Variants in ZBTB44 observed in about 807,000 individuals in gnomAD.
ZBTB44 encodes zinc finger and BTB domain-containing protein 44.
A neutral mutation model predicts 54.0 loss-of-function variants in ZBTB44; 15 were observed. That is an observed-to-expected ratio of 0.28 (90% CI 0.19 to 0.43). ZBTB44 has a LOEUF of 0.43. Ranked by LOEUF, ZBTB44 falls within the 20% of genes least tolerant of loss-of-function variation. The pLI, the probability that ZBTB44 is intolerant of heterozygous loss-of-function variation, is 1.00. For synonymous variants in ZBTB44, 230 were observed against 250.1 expected (o/e 0.92, Z 0.76); for missense variants, 487 against 707.1 (o/e 0.69, Z 3.53).
chr11:130,249,050 G>A (rs1424455892), intron 2 of ZBTB44, among the ~76,000 whole-genome samples: 1 of 152,204 alleles, frequency 6.6e-6, no homozygotes, highest in African/African-American at 2.4e-5. Flanking sequence ...GTTGTAGTAA[G>A]CTGAGATCAT....
intron 2 of ZBTB44, among the ~76,000 whole-genome samples, chr11:130,240,140 T>C (rs372594350): frequency 1.3e-5 from 2 of 151,904 alleles, no homozygotes; most frequent in African/African-American, 4.8e-5. Flanking sequence ...CTCCTGGGTT[T>C]ACGCCATTCT....
chr11:130,300,083 G>C (rs1419487930), intron 1 of ZBTB44, among the ~76,000 whole-genome samples: 1 of 152,148 alleles, frequency 6.6e-6, no homozygotes, highest in Admixed American at 6.5e-5. Context: ...ATATGATTCC[G>C]ATTACACGAT....
At chr11:130,310,025 G>C (rs997385558) in intron 1 of ZBTB44, among the ~76,000 whole-genome samples, 1 of 152,024 alleles carries the variant, frequency 6.6e-6, no homozygotes, top group African/African-American at 2.4e-5. Flanking sequence ...TTAAAAATAT[G>C]GTATCTAGGC....
chr11:130,254,374 A>G (rs1209432892), intron 2 of ZBTB44, among the ~76,000 whole-genome samples: 1 of 152,240 alleles, frequency 6.6e-6, no homozygotes, highest in Non-Finnish European at 1.5e-5. Context: ...ATTTACAAGA[A>G]AAAAACAAAC....
At chr11:130,231,743 A>G (rs1190899617) in intron 7 of ZBTB44, 28 bp from the exon 8 acceptor site, 1 of 152,202 alleles carries the variant, frequency 6.6e-6, no homozygotes, top group Non-Finnish European at 1.5e-5. Context: ...TCCTGGTCAT[A>G]ATTTTACCTA....
chr11:130,309,339 A>C (rs1942454592), intron 1 of ZBTB44, among the ~76,000 whole-genome samples: 1 of 152,264 alleles, frequency 6.6e-6, no homozygotes, highest in Non-Finnish European at 1.5e-5. Context: ...TGAACACAGG[A>C]AAACACACTA....
intron 1 of ZBTB44, among the ~76,000 whole-genome samples, chr11:130,312,842 T>G (rs1942698008): frequency 6.6e-6 from 1 of 152,176 alleles, no homozygotes; most frequent in African/African-American, 2.4e-5. Flanking sequence ...ATAATGATAC[T>G]GGGGTTAGTA....
chr11:130,255,613 G>A (rs180887878), intron 2 of ZBTB44, among the ~76,000 whole-genome samples: 4 of 152,172 alleles, frequency 2.6e-5, no homozygotes, highest in Admixed American at 1.3e-4. Context: ...AATCCAGGAG[G>A]TGGTGTTTTG....
intron 1 of ZBTB44, among the ~76,000 whole-genome samples, chr11:130,271,486 C>T (rs779830468): frequency 6.6e-6 from 1 of 152,122 alleles, no homozygotes; most frequent in Non-Finnish European, 1.5e-5. Context: ...AGGAGGTTCC[C>T]AACAGACAAA....
Position 130,287,432 on chromosome 11 carries a change from T to G in ZBTB44, c.-56-25503A>C, listed in dbSNP as rs569897394. Reference sequence around the variant, plus strand: ...TTAGCTCTCTAGTCTTCATTAGTTTTTTCTCTGTGCTTAGTTTTGAGGTAT... The same window carrying G: ...TTAGCTCTCTAGTCTTCATTAGTTTGTTCTCTGTGCTTAGTTTTGAGGTAT... On this transcript the variant is annotated intron_variant, in intron 1 of 7. Coordinates refer to ENST00000357899, the MANE Select transcript of ZBTB44 (RefSeq NM_001301098.2). Among the ~76,000 whole-genome samples, 61 of 152,356 alleles carry G rather than the reference T, an allele frequency of 4.0e-4. 1 individual carries two copies. The South Asian group carries it at 0.012, about 30-fold the overall frequency.
intron 2 of ZBTB44, 117 bp from the exon 3 acceptor site, chr11:130,240,013 G>T: frequency 1.9e-5 from 11 of 578,674 alleles, no homozygotes; most frequent in South Asian, 8.4e-5. Flanking sequence ...TTCATATCCT[G>T]AATTATTAAT....
intron 1 of ZBTB44, among the ~76,000 whole-genome samples, chr11:130,279,305 A>AT (rs1235365935): frequency 2.1e-5 from 3 of 140,124 alleles, no homozygotes; most frequent in Admixed American, 1.4e-4. Flanking sequence ...TTCTACTGTT[A>AT]TTTAAAAAAA....
chr11:130,311,082 C>T (rs1354353577), intron 1 of ZBTB44, among the ~76,000 whole-genome samples: 1 of 152,124 alleles, frequency 6.6e-6, no homozygotes. Context: ...ATTCTTCATG[C>T]AATATAGTCT....
In ZBTB44 at chr11:130,234,171, C is replaced by T. The variant is rs1439433133; in HGVS notation, c.1671G>A (p.Met557Ile). ...TTGAGGAGACCTGTGAAATGACAGGCATTTGAACAGAGGAGTTGCTTTCAA... is the reference window on the plus strand; with the variant it reads ...TTGAGGAGACCTGTGAAATGACAGGTATTTGAACAGAGGAGTTGCTTTCAA... Reference protein sequence around the residue: ...HGFESNSSVQMPVISQYHSKG... With the variant: ...HGFESNSSVQIPVISQYHSKG... Residue 557 changes from methionine (M) to isoleucine (I), a missense_variant, in exon 6 of 8, where the codon ATG becomes ATA. This residue lies in a region of ZBTB44 where 120 missense variants were observed against 240.3 expected (regional missense o/e 0.50). Transcript: ENST00000357899. 30 of 1,542,312 alleles carry T rather than the reference C, an allele frequency of 1.9e-5. No homozygotes were observed. The highest frequency in any genetic ancestry group is 2.5e-5 in the Non-Finnish European group (29 of 1,142,982).
chr11:130,283,969 C>CAA (rs71061377), intron 1 of ZBTB44, among the ~76,000 whole-genome samples: 12 of 45,176 alleles, frequency 2.7e-4, no homozygotes, highest in South Asian at 8.8e-4. Flanking sequence ...GACTCCATCT[C>CAA]AAAAAAAAAA....
intron 2 of ZBTB44, among the ~76,000 whole-genome samples, chr11:130,250,846 C>G (rs561832231): frequency 3.3e-5 from 5 of 152,168 alleles, no homozygotes. Flanking sequence ...AAAACCAGCA[C>G]AAAAATGCTG....
chr11:130,250,051 G>A (rs1565651861), intron 2 of ZBTB44, among the ~76,000 whole-genome samples: 1 of 152,220 alleles, frequency 6.6e-6, no homozygotes, highest in Non-Finnish European at 1.5e-5. Context: ...GCAGTCTGAA[G>A]TTGACCTGGG....
At chr11:130,245,698 ATCGGCTTC>A (rs1565649204) in intron 2 of ZBTB44, among the ~76,000 whole-genome samples, 11 of 151,992 alleles carry the variant, frequency 7.2e-5, no homozygotes, top group African/African-American at 2.7e-4. Flanking sequence ...GAAGACTGGC[ATCGGCTTC>A]TCACTATCAG....
At chr11:130,282,880 G>A (rs183842474) in intron 1 of ZBTB44, among the ~76,000 whole-genome samples, 1 of 152,156 alleles carries the variant, frequency 6.6e-6, no homozygotes, top group African/African-American at 2.4e-5. Flanking sequence ...GTCTCGCTAT[G>A]CTACCCACAT....
Sources: allele counts gnomAD v4.1 joint callset (sites outside exome capture counted in the v4.1 genomes callset), GRCh38; gene constraint gnomAD v4.1.1; regional missense constraint gnomAD v4.1.1; transcripts MANE v1.5; gene names NCBI Gene and HGNC (gene_info 2026-07-23, HGNC 2026-07-21).